The following ADK variants were observed in gnomAD, a reference collection of about 807,000 sequenced individuals.
ADK encodes the protein N6,N6-dimethyladenosine kinase.
Under a neutral mutation model 44.7 loss-of-function variants are expected in ADK, and 24 were observed. That is an observed-to-expected ratio of 0.54 (90% CI 0.39 to 0.76). The LOEUF (loss-of-function observed/expected upper bound fraction) is 0.76. Ranked by LOEUF, ADK falls within the 30% of genes least tolerant of loss-of-function variation. The probability of loss-of-function intolerance (pLI) is 0.00; values close to 1 mark genes in which losing one functional copy is unlikely to be tolerated. For synonymous variants in ADK, 128 were observed against 142.6 expected (o/e 0.90, Z 0.73); for missense variants, 321 against 425.1 (o/e 0.76, Z 2.15).
chr10:74,599,292 A>C (rs1292161893), intron 8 of ADK, among the ~76,000 whole-genome samples: 1 of 152,218 alleles, frequency 6.6e-6, no homozygotes, highest in Non-Finnish European at 1.5e-5. Flanking sequence ...TTGAGTGAAC[A>C]AACAATATAA....
intron 2 of ADK, 105 bp downstream of exon 2, chr10:74,200,943 A>G: frequency 1.3e-6 from 1 of 789,858 alleles, no homozygotes; most frequent in South Asian, 1.5e-5. Context: ...CAATTAAAGG[A>G]AAACTCAGGA....
intron 10 of ADK, among the ~76,000 whole-genome samples, chr10:74,687,492 T>G (rs1175029482): frequency 6.6e-6 from 1 of 152,232 alleles, no homozygotes; most frequent in African/African-American, 2.4e-5. Context: ...TAGTAAAGGT[T>G]GAATTTACGT....
Position 74,600,275 on chromosome 10 carries a change from C to T in ADK, c.763-104C>T, listed in dbSNP as rs1852068604. 8 of 707,132 alleles carry T rather than the reference C, an allele frequency of 1.1e-5. No individual in the cohort carries two copies. The South Asian group carries it at 1.3e-4, about 11-fold the overall frequency. 43.8% of individuals were successfully genotyped at this position (707,132 alleles called of 1,614,324 possible). A position where few individuals can be genotyped will look rare whatever the true frequency, so the allele number is the denominator to read the frequency against. On this transcript the variant is annotated intron_variant, in intron 8 of 10. Transcript: ENST00000539909. ...TTTTTAATGTCTCTTAATAGATATG[C>T]AGGTCTCTTATTTTGATCAATAGAA...
At chr10:74,553,190 G>GTT (rs386371837) in intron 7 of ADK, among the ~76,000 whole-genome samples, 5,251 of 60,410 alleles carry the variant, frequency 0.087, 1,579 homozygotes, top group East Asian at 0.31. Context: ...AGCACATTGT[G>GTT]TTTTTTTTTT....
At chr10:74,555,342 G>GT (rs1850199846) in intron 7 of ADK, among the ~76,000 whole-genome samples, 1 of 152,072 alleles carries the variant, frequency 6.6e-6, no homozygotes. Context: ...CTGATTAACT[G>GT]TTTGTTGTTT....
intron 9 of ADK, among the ~76,000 whole-genome samples, chr10:74,624,628 G>C (rs1024277599): frequency 1.3e-5 from 2 of 152,006 alleles, no homozygotes; most frequent in African/African-American, 4.8e-5. Flanking sequence ...TACAATAATA[G>C]AGCTGTTTAG....
At chr10:74,359,019 T>C (rs906298976) in intron 4 of ADK, among the ~76,000 whole-genome samples, 7 of 152,110 alleles carry the variant, frequency 4.6e-5, no homozygotes, top group African/African-American at 1.7e-4. Context: ...CACTGTAACC[T>C]TGACTCCTGG....
chr10:74,590,250 C>T (rs879645400), intron 8 of ADK, among the ~76,000 whole-genome samples: 7 of 152,016 alleles, frequency 4.6e-5, no homozygotes, highest in African/African-American at 7.3e-5. Context: ...TAACCACAGC[C>T]GAAATGTAGG....
chr10:74,283,247 G>A (rs886152546), intron 3 of ADK, among the ~76,000 whole-genome samples: 12 of 151,528 alleles, frequency 7.9e-5, no homozygotes, highest in African/African-American at 2.4e-4. Flanking sequence ...CATTCCATTT[G>A]ATCAACTGTT....
chr10:74,577,455 A>G (rs1021766144), intron 7 of ADK, among the ~76,000 whole-genome samples: 11 of 152,002 alleles, frequency 7.2e-5, no homozygotes, highest in African/African-American at 2.7e-4. Context: ...TAGCTTTATT[A>G]AAGATTTTTT....
At chr10:74,210,042 A>C (rs1843751461) in intron 2 of ADK, among the ~76,000 whole-genome samples, 1 of 152,038 alleles carries the variant, frequency 6.6e-6, no homozygotes, top group South Asian at 2.1e-4. Flanking sequence ...GAAAATACTC[A>C]GTTTTGGCTG....
In ADK at chr10:74,315,527, C is replaced by G. The variant is rs1415097228; in HGVS notation, c.273+782C>G. Among the ~76,000 whole-genome samples, 5 of 152,134 alleles carry G rather than the reference C, an allele frequency of 3.3e-5. No homozygotes were observed. In the East Asian group the frequency reaches 9.6e-4, roughly 29 times the overall value. ...ATCTTCCAGCTTTGAAAGATATGAA[C>G]AAGTTTTACATACCTCTGGTTCTTA... On this transcript the variant is annotated intron_variant, in intron 4 of 10. Coordinates refer to ENST00000539909, the MANE Select transcript of ADK (RefSeq NM_006721.4).
chr10:74,174,240 G>A (rs1375771380), intron 1 of ADK, among the ~76,000 whole-genome samples: 4 of 150,078 alleles, frequency 2.7e-5, no homozygotes, highest in Non-Finnish European at 4.4e-5. Flanking sequence ...CCCCGGGGAT[G>A]GGGGCGGAGG....
chr10:74,684,236 C>T (rs953801932), intron 10 of ADK, among the ~76,000 whole-genome samples: 5 of 152,076 alleles, frequency 3.3e-5, no homozygotes, highest in Admixed American at 2.6e-4. Flanking sequence ...GTATTAATAG[C>T]CAAGCACTTT....
intron 7 of ADK, among the ~76,000 whole-genome samples, chr10:74,585,486 T>G (rs1851499509): frequency 6.6e-6 from 1 of 152,210 alleles, no homozygotes; most frequent in Non-Finnish European, 1.5e-5. Context: ...AGCGTTAATG[T>G]GAAATCCAGC....
At chr10:74,705,578 T>G (rs1856574376) in intron 10 of ADK, among the ~76,000 whole-genome samples, 1 of 152,236 alleles carries the variant, frequency 6.6e-6, no homozygotes, top group Admixed American at 6.5e-5. Context: ...TTTGGGGCTA[T>G]TACAAATAAA....
chr10:74,325,893 T>A (rs1002535054), intron 4 of ADK, among the ~76,000 whole-genome samples: 3 of 152,180 alleles, frequency 2.0e-5, no homozygotes, highest in Admixed American at 2.0e-4. Flanking sequence ...TCTCTCTCTG[T>A]CACCCAGGCT....
rs562201838 is a variant in ADK at position 74,668,875 on chromosome 10, C to T, written c.878-1308C>T. ...AAGTGAGACCCTGTCTCTACCCACC[C>T]GCCCCCCAAAAAAAAGCAAAAAATT... On this transcript the variant is annotated intron_variant, in intron 9 of 10. Coordinates refer to ENST00000539909, the MANE Select transcript of ADK (RefSeq NM_006721.4). Among the ~76,000 whole-genome samples the T allele has an allele frequency of 2.5e-3, 385 of 151,728 alleles. 2 individuals are homozygous for T. The highest frequency in any genetic ancestry group is 8.1e-3 in the Admixed American group (123 of 15,246).
At chr10:74,367,174 T>C (rs1842522810) in intron 4 of ADK, among the ~76,000 whole-genome samples, 1 of 152,206 alleles carries the variant, frequency 6.6e-6, no homozygotes, top group African/African-American at 2.4e-5. Context: ...ACCCTGATCA[T>C]TGTTGCACTA....
Sources: gnomAD v4.1 joint callset for allele counts (sites outside exome capture counted in the v4.1 genomes callset) on GRCh38, gnomAD v4.1.1 for gene constraint, MANE v1.5 for transcripts, NCBI Gene and HGNC (gene_info 2026-07-23, HGNC 2026-07-21) for gene names.